The following CENPF variants were observed in gnomAD, a reference collection of about 807,000 sequenced individuals.
CENPF encodes the protein centromere protein F.
A neutral mutation model predicts 307.3 loss-of-function variants in CENPF; 214 were observed. The observed-to-expected ratio is 0.70, with a 90% CI of 0.62 to 0.78. The LOEUF (loss-of-function observed/expected upper bound fraction) is 0.78, where lower values mean the gene tolerates loss of function less well. Among genes scored for constraint, CENPF ranks in the 30% least tolerant of loss-of-function variants. The pLI is 0.00. For synonymous variants in CENPF, 1,259 were observed against 1,270.6 expected (o/e 0.99, Z 0.19); for missense variants, 3,401 against 3,483.9 (o/e 0.98, Z 0.60).
rs766160884 is a variant in CENPF, at chr1:214,613,825, A to C, written c.71A>C (p.Glu24Ala). The C allele has an allele frequency of 1.2e-6, 2 of 1,613,948 alleles. No individual in the cohort carries two copies. The highest frequency in any genetic ancestry group is 1.1e-5 in the South Asian group (1 of 91,026). ...TRALQKIQELEGQLDKLKKEK... is the reference protein window; with the variant it reads ...TRALQKIQELAGQLDKLKKEK... ...GCTCTTCAGAAAATTCAAGAGCTTGAAGGACAGCTTGACAAACTGAAGAAG... is the reference window on the plus strand; with the variant it reads ...GCTCTTCAGAAAATTCAAGAGCTTGCAGGACAGCTTGACAAACTGAAGAAG... Residue 24 changes from glutamate to alanine, a missense_variant, in exon 2 of 20, where the codon GAA (glutamate) becomes GCA (alanine). By Grantham distance (107) the Glu-to-Ala change is moderately radical (BLOSUM62 -1). Transcript: ENST00000366955.
intron 10 of CENPF, among the ~76,000 whole-genome samples, chr1:214,633,199 C>A (rs1571709281): frequency 6.6e-6 from 1 of 152,188 alleles, no homozygotes; most frequent in African/African-American, 2.4e-5. Context: ...CCCTGGTTGA[C>A]GGTGTCTTTG....
At chr1:214,615,617 T>C (rs886193648) in intron 3 of CENPF, among the ~76,000 whole-genome samples, 12 of 152,102 alleles carry the variant, frequency 7.9e-5, no homozygotes, top group Non-Finnish European at 1.5e-4. Context: ...GCAGGCCCAA[T>C]CTGCAAGGTT....
chr1:214,618,019 A>C (rs191199356), intron 3 of CENPF, among the ~76,000 whole-genome samples: 54 of 152,342 alleles, frequency 3.5e-4, no homozygotes, highest in African/African-American at 1.3e-3. Flanking sequence ...TGGGAAACTT[A>C]CAATCATAGC....
chr1:214,652,507 A>C (rs1056207692), intron 15 of CENPF, among the ~76,000 whole-genome samples: 11 of 145,378 alleles, frequency 7.6e-5, no homozygotes, highest in African/African-American at 2.6e-5. Flanking sequence ...GCAGTGGCAC[A>C]ATCTTGGCTC....
In CENPF at chr1:214,646,228, C is replaced by A; in HGVS notation, c.6658C>A (p.Gln2220Lys). The change falls in exon 13 of 20, where the codon CAA (glutamine) becomes AAA (lysine). Residue 2220 changes from glutamine (Q) to lysine (K), a missense_variant. By Grantham distance (53) the Gln-to-Lys change is moderately conservative. Coordinates refer to ENST00000366955, the MANE Select transcript of CENPF (RefSeq NM_016343.4). ...SEKENLTKQI[Q>K]EKQGQLSELD... is the part of the protein sequence containing the mutation. ...AAAAGAAAATCTGACAAAACAAATA[C>A]AAGAAAAACAAGGTCAGTTGTCAGA... 6.2e-7 allele frequency: 1 copy of A among 1,613,246 alleles called. No individual in the cohort carries two copies. Among genetic ancestry groups the A allele is most frequent in the South Asian group, 1.1e-5 (1 of 90,970 alleles).
At position 214,642,697 on chromosome 1, in the gene CENPF, G is replaced by A. The variant is rs1339006588; in HGVS notation, c.4359G>A (p.Leu1453=). The A allele has an allele frequency of 6.2e-7, 1 of 1,614,024 alleles. No individual in the cohort carries two copies. Among genetic ancestry groups the A allele is most frequent in the Non-Finnish European group, 8.5e-7 (1 of 1,180,036 alleles). The change falls in exon 12 of 20, where the codon CTG becomes CTA. Residue 1453 remains leucine, a synonymous_variant. Coordinates refer to ENST00000366955, the MANE Select transcript of CENPF (RefSeq NM_016343.4). The part of the protein sequence containing the change: ...KAENLVLSTN[L]RNFQGDLVKE... ...AAAATTTGGTCTTGTCAACGAATCT[G>A]AGAAACTTTCAAGGTGACTTGGTGA...
At chr1:214,630,297 T>G (rs1193736744) in intron 8 of CENPF, among the ~76,000 whole-genome samples, 2 of 152,180 alleles carry the variant, frequency 1.3e-5, no homozygotes, top group Non-Finnish European at 2.9e-5. Flanking sequence ...CAGGCTACTT[T>G]CCATGTGGTC....
intron 5 of CENPF, 57 bp downstream of exon 5, chr1:214,619,277 G>T: frequency 3.5e-6 from 3 of 867,082 alleles, no homozygotes; most frequent in Non-Finnish European, 5.5e-6. Flanking sequence ...CTTTGATATA[G>T]AATAGAACAA....
At position 214,642,429 on chromosome 1, in the gene CENPF, T is replaced by TTGAATG. The variant is rs746870215; in HGVS notation, c.4091_4092insTGAATG (p.Ile1364_Pro1365insGluTer). The TTGAATG allele has an allele frequency of 6.3e-7, 1 of 1,596,456 alleles. No homozygotes were observed. Among genetic ancestry groups the TTGAATG allele is most frequent in the Non-Finnish European group, 8.5e-7 (1 of 1,171,628 alleles). ...CTCCATGGTGAGTTAGTGGAAGACA[T>TTGAATG]ACCAGGAGGTGAATTTGGTGAACAA... On this transcript the variant is annotated stop_gained and inframe_insertion, in exon 12 of 20. Transcript: ENST00000366955. LOFTEE classifies it high-confidence loss of function.
rs1317055158 is a variant in CENPF, at chr1:214,643,156, T to C, written c.4818T>C (p.Asn1606=). The C allele has an allele frequency of 2.5e-6, 4 of 1,599,244 alleles. No homozygotes were observed. Among genetic ancestry groups the C allele is most frequent in the Non-Finnish European group, 2.6e-6 (3 of 1,175,414 alleles). ...TTAGGAAGCAGTATTTGTCAGAAAA[T>C]GAACAGTGGCAACAGAAGCTGACAA... ...DCLRKQYLSE[N]EQWQQKLTSV... The change falls in exon 12 of 20, where the codon AAT becomes AAC. Residue 1606 remains asparagine, a synonymous_variant. Transcript: ENST00000366955.
intron 1 of CENPF, chr1:214,605,880 T>A: frequency 6.3e-7 from 1 of 1,597,340 alleles, no homozygotes; most frequent in Non-Finnish European, 8.5e-7. Context: ...GGCGACGTGA[T>A]CTTGGACACC....
At chr1:214,626,226 C>T (rs1476103345) in intron 7 of CENPF, among the ~76,000 whole-genome samples, 1 of 152,068 alleles carries the variant, frequency 6.6e-6, no homozygotes, top group Non-Finnish European at 1.5e-5. Flanking sequence ...GTATAGGATT[C>T]TGTGTTGACA....
intron 3 of CENPF, among the ~76,000 whole-genome samples, chr1:214,615,411 G>A (rs955851378): frequency 6.6e-6 from 1 of 152,084 alleles, no homozygotes; most frequent in Non-Finnish European, 1.5e-5. Context: ...AGCATTATTT[G>A]ATAGTATGAT....
At chr1:214,648,390 A>G (rs759471544) in intron 13 of CENPF, 1 of 538,870 alleles carries the variant, frequency 1.9e-6, no homozygotes, top group Non-Finnish European at 3.4e-6. Context: ...TTTAATTCAA[A>G]TTAATACCTT....
At chr1:214,651,946 CTTTT>C in intron 15 of CENPF, 60 bp downstream of exon 15, 1 of 1,167,442 alleles carries the variant, frequency 8.6e-7, no homozygotes, top group East Asian at 2.9e-5. Flanking sequence ...CATGGTAAGG[CTTTT>C]TTTTTTTTCC....
chr1:214,609,392 G>A (rs572484637), intron 1 of CENPF, among the ~76,000 whole-genome samples: 1 of 152,274 alleles, frequency 6.6e-6, no homozygotes, highest in Admixed American at 6.5e-5. Flanking sequence ...CCTGTGCTGT[G>A]AGTAACTATG....
chr1:214,645,377 A>G lies in CENPF; in HGVS notation c.5807A>G (p.Glu1936Gly). 1 of 1,614,202 alleles carries G rather than the reference A, an allele frequency of 6.2e-7. No individual in the cohort carries two copies. The highest frequency in any genetic ancestry group is 1.3e-5 in the African/African-American group (1 of 75,054). ...EVVQTEKLCL[E>G]KDNENKQKVI... Reference sequence around the variant, plus strand: ...GTTCAAACAGAGAAGCTATGTTTAGAAAAAGACAATGAAAATAAGCAGAAG... The same window carrying G: ...GTTCAAACAGAGAAGCTATGTTTAGGAAAAGACAATGAAAATAAGCAGAAG... The change falls in exon 13 of 20, where the codon GAA becomes GGA. Residue 1936 changes from glutamate (E) to glycine (G), a missense_variant. Transcript: ENST00000366955.
At chr1:214,662,430 G>C (rs1658810497) in intron 19 of CENPF, among the ~76,000 whole-genome samples, 1 of 152,120 alleles carries the variant, frequency 6.6e-6, no homozygotes, top group Non-Finnish European at 1.5e-5. Context: ...GATTTACTAT[G>C]TTTCATGTAA....
chr1:214,604,461 T>C (rs1487067448), intron 1 of CENPF, among the ~76,000 whole-genome samples: 1 of 152,186 alleles, frequency 6.6e-6, no homozygotes, highest in East Asian at 1.9e-4. Flanking sequence ...TGGGCCAAAA[T>C]CTGCTCTAAT....
Sources: allele counts gnomAD v4.1 joint callset (sites outside exome capture counted in the v4.1 genomes callset), GRCh38; gene constraint gnomAD v4.1.1; transcripts MANE v1.5; gene names NCBI Gene and HGNC (gene_info 2026-07-23, HGNC 2026-07-21).